The following APOD variants were observed in gnomAD, a reference collection of about 807,000 sequenced individuals.
APOD encodes the protein apolipoprotein D.
In APOD, 22 loss-of-function variants were observed where a neutral mutation model predicts 20.4. The observed-to-expected ratio is 1.08, with a 90% CI of 0.77 to 1.54. APOD has a LOEUF of 1.54. Ranked by LOEUF, APOD falls within the 40% of genes most tolerant of loss-of-function variation. The probability of loss-of-function intolerance (pLI) is 0.00; values close to 1 mark genes in which losing one functional copy is unlikely to be tolerated. For synonymous variants in APOD, 97 were observed against 92.4 expected, an observed-to-expected ratio of 1.05 and a Z score of -0.29; for missense variants, 223 against 229.6, an observed-to-expected ratio of 0.97 and a Z score of 0.19.
intron 1 of APOD, among the ~76,000 whole-genome samples, chr3:195,580,440 T>C (rs999310414): frequency 6.6e-6 from 1 of 151,526 alleles, no homozygotes; most frequent in African/African-American, 2.4e-5. Context: ...AGTCTCACTC[T>C]GTCACCCAGG....
At chr3:195,580,947 GC>G (rs1469960624) in intron 1 of APOD, among the ~76,000 whole-genome samples, 1 of 152,158 alleles carries the variant, frequency 6.6e-6, no homozygotes, top group Non-Finnish European at 1.5e-5. Flanking sequence ...GTGACTCCTT[GC>G]CTGTAGCTTG....
chr3:195,582,890 G>A (rs539029624), intron 1 of APOD, among the ~76,000 whole-genome samples: 17 of 150,572 alleles, frequency 1.1e-4, no homozygotes, highest in South Asian at 8.4e-4. Context: ...CCGAGATCGC[G>A]CCACTGCACT....
chr3:195,571,465 A>T, intron 3 of APOD, 100 bp from the exon 4 acceptor site: 1 of 1,095,964 alleles, frequency 9.1e-7, no homozygotes, highest in Non-Finnish European at 1.3e-6. Context: ...GATTTGTGCC[A>T]CTAAGGACCG....
At chr3:195,579,117 C>A (rs1049741777) in intron 2 of APOD, among the ~76,000 whole-genome samples, 3 of 152,180 alleles carry the variant, frequency 2.0e-5, no homozygotes, top group African/African-American at 4.8e-5. Context: ...GTGCTGTCTC[C>A]GACTCACCTT....
At chr3:195,569,211 C>G in intron 4 of APOD, 76 bp from the exon 5 acceptor site, 1 of 1,281,690 alleles carries the variant, frequency 7.8e-7, no homozygotes. Flanking sequence ...GAAGGCTGGC[C>G]CAGACAACCA....
Position 195,568,837 on chromosome 3 carries a change from G to GTGGGT in APOD, c.*62_*63insACCCA, listed in dbSNP as rs1553889309. The GTGGGT allele has an allele frequency of 1.1e-5, 11 of 982,922 alleles. 1 individual carries two copies. Among genetic ancestry groups the GTGGGT allele is most frequent in the East Asian group, 5.2e-5 (2 of 38,560 alleles). The allele number at this position is 982,922 out of a possible 1,614,324, so 60.9% of individuals were successfully genotyped here. A position where few individuals can be genotyped will look rare whatever the true frequency, so the allele number is the denominator to read the frequency against. On this transcript the variant is annotated 3_prime_UTR_variant, in exon 5 of 5. Transcript: ENST00000343267. ...GTTGATTGGTTTGTCTTTATGGGGGGGGGGTAGGGGAAAGCGAAGCAGAAG... is the reference window on the plus strand; with the variant it reads ...GTTGATTGGTTTGTCTTTATGGGGGGTGGGTGGGGTAGGGGAAAGCGAAGCAGAAG...
chr3:195,583,059 A>T (rs1720368661), intron 1 of APOD: 1 of 152,246 alleles, frequency 6.6e-6, no homozygotes, highest in Admixed American at 6.5e-5. Flanking sequence ...CACTTGCATT[A>T]AGCTTACCCG....
chr3:195,571,407 G>A, intron 3 of APOD, 42 bp from the exon 4 acceptor site: 1 of 1,532,376 alleles, frequency 6.5e-7, no homozygotes, highest in Non-Finnish European at 8.9e-7. Flanking sequence ...AAAACGAAAA[G>A]AGAAAAGAAA....
In APOD at chr3:195,573,860, G is replaced by C. The variant is rs924857441; in HGVS notation, c.235C>G (p.Gln79Glu). The C allele has an allele frequency of 1.9e-6, 3 of 1,613,962 alleles. No individual in the cohort carries two copies. The highest frequency in any genetic ancestry group is 1.3e-5 in the African/African-American group (1 of 74,922). The part of the protein sequence containing the change: ...MENGKIKVLN[Q>E]ELRADGTVNQ... Reference sequence around the variant, plus strand: ...CCCACAGCCACTCACCTCAACTCCTGGTTTAACACTTTGATCTTTCCGTTT... The same window carrying C: ...CCCACAGCCACTCACCTCAACTCCTCGTTTAACACTTTGATCTTTCCGTTT... Residue 79 changes from glutamine to glutamate, a missense_variant, in exon 3 of 5, where the codon CAG (glutamine) becomes GAG (glutamate). Gln to Glu is a conservative substitution (Grantham distance 29). Coordinates refer to ENST00000343267, the MANE Select transcript of APOD (RefSeq NM_001647.4).
At position 195,571,373 on chromosome 3, in the gene APOD, G is replaced by C; in HGVS notation, c.246-8C>G. ...TTCACAGTTCCATCAGCTCTGCAGTGAGTTAAAAAAAGAAAAAATACAAAA... is the reference window on the plus strand; with the variant it reads ...TTCACAGTTCCATCAGCTCTGCAGTCAGTTAAAAAAAGAAAAAATACAAAA... On this transcript the variant is annotated splice_region_variant and splice_polypyrimidine_tract_variant and intron_variant, in intron 3 of 4. Coordinates refer to ENST00000343267, the MANE Select transcript of APOD (RefSeq NM_001647.4). 1 of 1,591,104 alleles carries C rather than the reference G, an allele frequency of 6.3e-7. No individual in the cohort carries two copies. Among genetic ancestry groups the C allele is most frequent in the Non-Finnish European group, 8.5e-7 (1 of 1,171,116 alleles).
intron 2 of APOD, chr3:195,577,186 CA>C (rs71637174): frequency 0.44 from 124,115 of 281,196 alleles, 22,267 homozygotes; most frequent in African/African-American, 0.66. Context: ...GACTCCGTCT[CA>C]AAAAAAAAAA....
intron 4 of APOD, 146 bp downstream of exon 4, chr3:195,571,131 C>CATGT (rs1385227895): frequency 1.3e-6 from 1 of 756,278 alleles, no homozygotes; most frequent in Non-Finnish European, 2.3e-6. Flanking sequence ...TAGTGCGTGA[C>CATGT]ATGTAGTAAG....
In APOD at chr3:195,578,550, C is replaced by T. The variant is rs139614457; in HGVS notation, c.123+789G>A. On this transcript the variant is annotated intron_variant, in intron 2 of 4. Transcript: ENST00000343267. ...GCCTGTGAGTCCTGTCCTCCAATAG[C>T]TGCCTCTTTCTGCCGCCCTCTTCCT... Among the ~76,000 whole-genome samples the T allele has an allele frequency of 2.6e-3, 398 of 152,320 alleles. 5 individuals are homozygous for T. The highest frequency in any genetic ancestry group is 9.0e-3 in the African/African-American group (375 of 41,550).
In APOD at chr3:195,569,140, G is replaced by A; in HGVS notation, c.335-5C>T. The A allele has an allele frequency of 6.2e-7, 1 of 1,610,850 alleles. No homozygotes were observed. The highest frequency in any genetic ancestry group is 2.2e-5 in the East Asian group (1 of 44,848). On this transcript the variant is annotated splice_polypyrimidine_tract_variant and splice_region_variant and intron_variant, in intron 4 of 4. Coordinates refer to ENST00000343267, the MANE Select transcript of APOD (RefSeq NM_001647.4). Reference sequence around the variant, plus strand: ...AGTACGGTGCCGATGGCATAACTGAGAACCAGAGAGAGGCAGCATTATTGG... The same window carrying A: ...AGTACGGTGCCGATGGCATAACTGAAAACCAGAGAGAGGCAGCATTATTGG...
intron 1 of APOD, among the ~76,000 whole-genome samples, chr3:195,582,269 T>C (rs1720352567): frequency 6.6e-6 from 1 of 152,196 alleles, no homozygotes; most frequent in Non-Finnish European, 1.5e-5. Context: ...ATTATAGTTT[T>C]CAATGTCCTT....
At chr3:195,572,147 T>G (rs1183853337) in intron 3 of APOD, among the ~76,000 whole-genome samples, 1 of 152,122 alleles carries the variant, frequency 6.6e-6, no homozygotes, top group Non-Finnish European at 1.5e-5. Context: ...TCACTGAAAA[T>G]AATTCAAAAC....
chr3:195,577,010 C>T (rs1720258646), intron 2 of APOD: 2 of 201,920 alleles, frequency 9.9e-6, no homozygotes, highest in South Asian at 1.2e-4. Context: ...CATGGTGAAA[C>T]CCCGTCTTTA....
At chr3:195,570,236 T>G (rs9886978) in intron 4 of APOD, among the ~76,000 whole-genome samples, 95,144 of 152,038 alleles carry the variant, frequency 0.63, 31,335 homozygotes, top group East Asian at 0.85. Flanking sequence ...GACCTAGGTT[T>G]AGGTCCCAAC....
At chr3:195,576,380 A>C (rs550279651) in intron 2 of APOD, among the ~76,000 whole-genome samples, 1 of 152,378 alleles carries the variant, frequency 6.6e-6, no homozygotes, top group Admixed American at 6.5e-5. Context: ...CCTAGAAAAG[A>C]AGAGGTAAAA....
Sources: allele counts gnomAD v4.1 joint callset (sites outside exome capture counted in the v4.1 genomes callset), GRCh38; gene constraint gnomAD v4.1.1; transcripts MANE v1.5; gene names NCBI Gene and HGNC (gene_info 2026-07-23, HGNC 2026-07-21).